Variants in RGS3 observed in about 807,000 individuals in gnomAD.
RGS3 encodes the protein regulator of G protein signaling 3, also known as regulator of G-protein signalling 3.
Under a neutral mutation model 132.6 loss-of-function variants are expected in RGS3, and 80 were observed. The ratio of observed to expected loss-of-function variants is 0.60; its 90% confidence interval spans 0.50 to 0.73. The LOEUF (loss-of-function observed/expected upper bound fraction) is 0.73. Among genes scored for constraint, RGS3 ranks in the 30% least tolerant of loss-of-function variants. The pLI is 0.00. For missense variants in RGS3, 1,382 were observed against 1,530.8 expected (o/e 0.90, Z 1.62); for synonymous variants, 598 against 620.6 (o/e 0.96, Z 0.54).
chr9:113,523,735 G>A (rs946532962), intron 17 of RGS3, among the ~76,000 whole-genome samples: 3 of 152,142 alleles, frequency 2.0e-5, no homozygotes, highest in Admixed American at 6.5e-5. Flanking sequence ...AGAGGGGCTC[G>A]GTTTCCTCTC....
At chr9:113,596,870 G>C in exon 25 of RGS3, 1 of 1,613,882 alleles carries the variant, frequency 6.2e-7, no homozygotes, top group Non-Finnish European at 8.5e-7. Context: ...CGGGCTCATG[G>C]AAAAGGACTC....
Position 113,590,791 on chromosome 9 carries a change from C to T in RGS3, c.3016-542C>T, listed in dbSNP as rs549925257. Among the ~76,000 whole-genome samples, 411 of 152,188 alleles carry T rather than the reference C, an allele frequency of 2.7e-3. 5 individuals are homozygous for T. Among genetic ancestry groups the T allele is most frequent in the Non-Finnish European group, 3.8e-3 (256 of 68,016 alleles). ...TAAGATGGTAGATCCAGTCGTGTTA[C>T]GGAGTTTGAATGTTATCCCGAGGGC... On this transcript the variant is annotated intron_variant, in intron 20 of 24. Transcript: ENST00000350696.
intron 18 of RGS3, among the ~76,000 whole-genome samples, chr9:113,534,283 G>C (rs1832592422): frequency 6.6e-6 from 1 of 152,116 alleles, no homozygotes; most frequent in Non-Finnish European, 1.5e-5. Flanking sequence ...CTTTCTAAGA[G>C]GCCTTTTCTG....
intron 4 of RGS3, among the ~76,000 whole-genome samples, chr9:113,480,256 A>G (rs1013756835): frequency 1.8e-4 from 28 of 152,100 alleles, no homozygotes; most frequent in African/African-American, 6.8e-4. Context: ...CAGGAGTTCA[A>G]GACCGGCCTG....
chr9:113,454,989 C>T (rs544720586), intron 1 of RGS3, among the ~76,000 whole-genome samples: 102 of 152,260 alleles, frequency 6.7e-4, no homozygotes, highest in Non-Finnish European at 2.2e-4. Flanking sequence ...CTCTGGGGCC[C>T]TCTCTTTGTG....
chr9:113,474,456 A>C (rs909766426), intron 3 of RGS3, among the ~76,000 whole-genome samples: 1 of 152,172 alleles, frequency 6.6e-6, no homozygotes. Context: ...AGGCAGTGAA[A>C]TTGGTAAACA....
chr9:113,485,507 A>G (rs1830303887), intron 6 of RGS3, 118 bp from the exon 5 acceptor site: 2 of 669,638 alleles, frequency 3.0e-6, no homozygotes, highest in East Asian at 5.5e-5. Flanking sequence ...AATATAGTTT[A>G]TTTAACCAGC....
At chr9:113,571,667 C>T (rs1455644860) in intron 19 of RGS3, among the ~76,000 whole-genome samples, 1 of 152,034 alleles carries the variant, frequency 6.6e-6, no homozygotes, top group African/African-American at 2.4e-5. Context: ...CTGGGATTTG[C>T]CTTTTCACTC....
Position 113,591,469 on chromosome 9 carries a change from G to A in RGS3, c.3080+72G>A. On this transcript the variant is annotated intron_variant, in intron 21 of 24. Coordinates refer to ENST00000350696, the Ensembl canonical transcript of RGS3. The surrounding 1 kb of genome is among the most constrained non-coding windows in gnomAD (Gnocchi z 4.4). ...CCCCAGGGCTTGTCTCTCCTCTAGGGGTCCAGGTGGGGAGAAGAGGTTGTG... is the reference window on the plus strand; with the variant it reads ...CCCCAGGGCTTGTCTCTCCTCTAGGAGTCCAGGTGGGGAGAAGAGGTTGTG... The A allele has an allele frequency of 7.6e-7, 1 of 1,324,120 alleles. No individual in the cohort carries two copies. The highest frequency in any genetic ancestry group is 1.2e-5 in the South Asian group (1 of 84,784). 82.0% of individuals were successfully genotyped at this position (1,324,120 alleles called of 1,614,324 possible).
chr9:113,541,727 T>G (rs1002945864), intron 19 of RGS3: 38 of 1,053,602 alleles, frequency 3.6e-5, no homozygotes, highest in Non-Finnish European at 4.6e-6. Flanking sequence ...GGGCTTCCAG[T>G]GGTGGCTCCC....
intron 19 of RGS3, among the ~76,000 whole-genome samples, chr9:113,554,011 A>G (rs1329262885): frequency 6.6e-6 from 1 of 152,256 alleles, no homozygotes; most frequent in Non-Finnish European, 1.5e-5. Flanking sequence ...CTTTTCTGTT[A>G]GGAGAGAGTG....
chr9:113,470,684 G>A (rs1164716615), intron 3 of RGS3, among the ~76,000 whole-genome samples: 1 of 152,136 alleles, frequency 6.6e-6, no homozygotes, highest in Non-Finnish European at 1.5e-5. Flanking sequence ...CACATGGCTG[G>A]GAGTGGTGAG....
rs114030647 is a variant in RGS3, at chr9:113,561,772, G to A, written c.2038-21678G>A. Among the ~76,000 whole-genome samples the A allele has an allele frequency of 1.6e-3, 250 of 152,254 alleles. 2 individuals carry two copies. Among genetic ancestry groups the A allele is most frequent in the African/African-American group, 5.5e-3 (230 of 41,546 alleles). ...TCACGCAATGGAAGCAGTAAAGGAA[G>A]ACAGCGGAAATCTCACTGTGGTGTG... On this transcript the variant is annotated intron_variant, in intron 19 of 24. Transcript: ENST00000350696.
upstream of RGS3, among the ~76,000 whole-genome samples, chr9:113,456,924 C>T (rs973220078): frequency 1.3e-5 from 2 of 152,158 alleles, no homozygotes; most frequent in Non-Finnish European, 2.9e-5. Context: ...CTCAGCCTCC[C>T]GAGTAGCTGG....
At chr9:113,508,696 C>A (rs10125960) in intron 14 of RGS3, 116 bp downstream of exon 12, 90,346 of 965,358 alleles carry the variant, frequency 0.094, 5,141 homozygotes, top group African/African-American at 0.19. Context: ...AGTCAGGTCA[C>A]TTAGCCTATC....
At chr9:113,520,000 C>G (rs1430988049) in intron 16 of RGS3, among the ~76,000 whole-genome samples, 2 of 152,148 alleles carry the variant, frequency 1.3e-5, no homozygotes, top group East Asian at 3.9e-4. Context: ...AACTAAGGCA[C>G]CAAAGTCTTT....
chr9:113,575,810 G>T (rs1049446214), intron 19 of RGS3, among the ~76,000 whole-genome samples: 6 of 152,178 alleles, frequency 3.9e-5, no homozygotes, highest in African/African-American at 1.4e-4. Flanking sequence ...GTCCAGACAG[G>T]CATTTTTAAG....
chr9:113,582,169 G>A, intron 19 of RGS3: 1 of 985,436 alleles, frequency 1.0e-6, no homozygotes, highest in Non-Finnish European at 1.2e-6. Context: ...CACCATTACA[G>A]ACTCCCCAGG....
Position 113,587,044 on chromosome 9 carries a change from C to T in RGS3, c.3015+2617C>T, listed in dbSNP as rs534187430. On this transcript the variant is annotated intron_variant, in intron 20 of 24. Transcript: ENST00000350696. Reference sequence around the variant, plus strand: ...AAGTACCACCAGACCCCATTTCTCACCTTCCTGACACTGCTGCAAAGTGGA... The same window carrying T: ...AAGTACCACCAGACCCCATTTCTCATCTTCCTGACACTGCTGCAAAGTGGA... Among the ~76,000 whole-genome samples, 113 of 152,312 alleles carry T rather than the reference C, an allele frequency of 7.4e-4. 1 individual carries two copies. The South Asian group carries it at 0.011, about 15-fold the overall frequency.
Sources: gnomAD v4.1 joint callset for allele counts (sites outside exome capture counted in the v4.1 genomes callset) on GRCh38, gnomAD v4.1.1 for gene constraint, Gnocchi (gnomAD v3.1) non-coding constraint, MANE v1.5 for transcripts, NCBI Gene and HGNC (gene_info 2026-07-23, HGNC 2026-07-21) for gene names.